Variants in CSMD1 observed in about 807,000 individuals in gnomAD.
The protein encoded by CSMD1 is CUB and sushi domain-containing protein 1.
A neutral mutation model predicts 417.5 loss-of-function variants in CSMD1; 213 were observed. The ratio of observed to expected loss-of-function variants is 0.51; its 90% CI spans 0.46 to 0.57. The LOEUF (loss-of-function observed/expected upper bound fraction) is 0.57. CSMD1 is among the 20% of genes least tolerant of loss of function. The pLI, the probability that CSMD1 is intolerant of heterozygous loss-of-function variation, is 0.00. For synonymous variants in CSMD1, 2,862 were observed against 1,736.8 expected (o/e 1.65, Z -16.11); for missense variants, 6,923 against 4,529.7 (o/e 1.53, Z -15.17).
At chr8:3,716,439 C>G (rs534962907) in intron 6 of CSMD1, among the ~76,000 whole-genome samples, 4 of 152,174 alleles carry the variant, frequency 2.6e-5, no homozygotes, top group Admixed American at 6.5e-5. Context: ...GTGGATTATT[C>G]ATGCCTCCCT....
intron 49 of CSMD1, among the ~76,000 whole-genome samples, chr8:3,073,327 A>T (rs934288000): frequency 1.4e-5 from 2 of 147,724 alleles, no homozygotes. Context: ...ATTTTAAATC[A>T]GCAAAAAAAA....
chr8:3,468,934 T>A, intron 11 of CSMD1, 110 bp from the exon 12 acceptor site: 1 of 631,726 alleles, frequency 1.6e-6, no homozygotes, highest in Non-Finnish European at 2.8e-6. Context: ...GATATATAGG[T>A]AGCAAGACCC....
chr8:4,589,683 G>T (rs180678447), intron 2 of CSMD1, among the ~76,000 whole-genome samples: 2 of 152,146 alleles, frequency 1.3e-5, no homozygotes, highest in Admixed American at 6.5e-5. Context: ...AATAACCTCC[G>T]CAATTGTTGA....
At chr8:3,244,116 C>T (rs190521305) in intron 26 of CSMD1, among the ~76,000 whole-genome samples, 3 of 152,324 alleles carry the variant, frequency 2.0e-5, no homozygotes, top group Non-Finnish European at 2.9e-5. Context: ...GTGCGCATTA[C>T]ATAGACCCTC....
chr8:4,205,074 A>G (rs1365531423), intron 3 of CSMD1, among the ~76,000 whole-genome samples: 2 of 152,232 alleles, frequency 1.3e-5, no homozygotes, highest in Non-Finnish European at 2.9e-5. Context: ...CACAGAGTTT[A>G]CTGTAAACAT....
chr8:3,349,240 G>T (rs1808228852), intron 21 of CSMD1, among the ~76,000 whole-genome samples: 1 of 152,296 alleles, frequency 6.6e-6, no homozygotes, highest in Non-Finnish European at 1.5e-5. Flanking sequence ...GAATTTTGCA[G>T]ATGACTTCTG....
At chr8:4,395,441 C>T (rs1804136552) in intron 3 of CSMD1, among the ~76,000 whole-genome samples, 1 of 152,034 alleles carries the variant, frequency 6.6e-6, no homozygotes, top group African/African-American at 2.4e-5. Context: ...GAAAAGCAGT[C>T]TCTCATCAAG....
chr8:4,103,904 C>G (rs1801432512), intron 3 of CSMD1, among the ~76,000 whole-genome samples: 1 of 152,186 alleles, frequency 6.6e-6, no homozygotes, highest in Non-Finnish European at 1.5e-5. Context: ...TCCAGGTTCC[C>G]AAGGCCAAAC....
intron 1 of CSMD1, among the ~76,000 whole-genome samples, chr8:4,963,068 C>G (rs1338907004): frequency 6.6e-6 from 1 of 152,286 alleles, no homozygotes; most frequent in East Asian, 1.9e-4. Context: ...CCCAGGAGCT[C>G]AGGTGTTATG....
intron 3 of CSMD1, among the ~76,000 whole-genome samples, chr8:4,195,349 T>G (rs183516605): frequency 2.5e-4 from 38 of 152,276 alleles, no homozygotes; most frequent in African/African-American, 8.9e-4. Flanking sequence ...AGTTAACAAA[T>G]CACCCTAACA....
intron 57 of CSMD1, among the ~76,000 whole-genome samples, chr8:2,967,667 T>A (rs996260291): frequency 3.9e-5 from 6 of 152,194 alleles, no homozygotes; most frequent in Non-Finnish European, 7.3e-5. Flanking sequence ...AGAATATATA[T>A]CATGAGACTG....
intron 40 of CSMD1, among the ~76,000 whole-genome samples, chr8:3,144,757 A>G (rs1818732500): frequency 6.7e-6 from 1 of 149,864 alleles, no homozygotes; most frequent in African/African-American, 2.5e-5. Flanking sequence ...AGAAGTGAGA[A>G]AAAAAGAAAG....
chr8:3,361,190 C>A (rs781765851), intron 20 of CSMD1, among the ~76,000 whole-genome samples: 13 of 152,204 alleles, frequency 8.5e-5, no homozygotes, highest in Admixed American at 1.3e-4. Flanking sequence ...ACCTATCATA[C>A]GTTTACTTTT....
chr8:3,219,471 AC>A, intron 28 of CSMD1, 29 bp from the exon 29 acceptor site: 1 of 1,385,076 alleles, frequency 7.2e-7, no homozygotes, highest in South Asian at 1.6e-5. Flanking sequence ...ATTATGTCAT[AC>A]GGCTAACAGA....
chr8:4,470,139 G>T (rs762364522), intron 2 of CSMD1, among the ~76,000 whole-genome samples: 30 of 152,116 alleles, frequency 2.0e-4, no homozygotes, highest in African/African-American at 7.0e-4. Flanking sequence ...CAAAGGGCTG[G>T]GATTACAGGT....
intron 1 of CSMD1, among the ~76,000 whole-genome samples, chr8:4,718,985 T>A (rs1004697665): frequency 6.6e-5 from 10 of 152,086 alleles, no homozygotes; most frequent in Non-Finnish European, 4.4e-5. Context: ...TGAAAAACTT[T>A]GAAGATATGT....
intron 1 of CSMD1, among the ~76,000 whole-genome samples, chr8:4,686,993 C>G (rs1035659835): frequency 6.6e-6 from 1 of 152,350 alleles, no homozygotes; most frequent in East Asian, 1.9e-4. Flanking sequence ...GGCAAGACCA[C>G]TCATGATGCT....
chr8:3,446,696 T>C (rs995767213), intron 12 of CSMD1, among the ~76,000 whole-genome samples: 7 of 152,218 alleles, frequency 4.6e-5, no homozygotes, highest in African/African-American at 1.7e-4. Flanking sequence ...TAGGAACACA[T>C]GCCATTCTTG....
chr8:3,694,340 A>G (rs1292303547), intron 7 of CSMD1, among the ~76,000 whole-genome samples: 1 of 152,100 alleles, frequency 6.6e-6, no homozygotes, highest in Non-Finnish European at 1.5e-5. Flanking sequence ...GCAGACAGAC[A>G]GGGGTCACTC....
Sources: allele counts gnomAD v4.1 joint callset (sites outside exome capture counted in the v4.1 genomes callset), GRCh38; gene constraint gnomAD v4.1.1; transcripts MANE v1.5; gene names NCBI Gene and HGNC (gene_info 2026-07-23, HGNC 2026-07-21).